Variants in RNLS observed in about 807,000 individuals in gnomAD.
The protein encoded by RNLS is renalase.
Under a neutral mutation model 39.8 loss-of-function variants are expected in RNLS, and 39 were observed. That is an observed-to-expected ratio of 0.98 (90% CI 0.76 to 1.28). The LOEUF is 1.28. Among genes scored for constraint, RNLS ranks in the 50% most tolerant of loss-of-function variants. RNLS has a pLI of 0.00. For missense variants in RNLS, 410 were observed against 413.3 expected (o/e 0.99, Z 0.07); for synonymous variants, 147 against 150.7 (o/e 0.98, Z 0.18).
chr10:88,545,564 T>C (rs754232521), intron 4 of RNLS: 2 of 426,562 alleles, frequency 4.7e-6, no homozygotes, highest in Non-Finnish European at 9.5e-6. Context: ...CCTGCCCCCA[T>C]GATTCAGTTA....
intron 4 of RNLS, among the ~76,000 whole-genome samples, chr10:88,374,133 T>C (rs1337004961): frequency 2.0e-5 from 3 of 151,964 alleles, no homozygotes; most frequent in Admixed American, 2.0e-4. Flanking sequence ...AAGAGTTCAA[T>C]AAAATGGCCT....
At chr10:88,374,861 C>T (rs1012535838) in intron 4 of RNLS, among the ~76,000 whole-genome samples, 1 of 152,044 alleles carries the variant, frequency 6.6e-6, no homozygotes, top group African/African-American at 2.4e-5. Context: ...GCACTTACCC[C>T]CAGCTCAGGC....
intron 4 of RNLS, among the ~76,000 whole-genome samples, chr10:88,390,532 A>C (rs889662490): frequency 6.6e-6 from 1 of 152,166 alleles, no homozygotes; most frequent in Non-Finnish European, 1.5e-5. Context: ...GTGAGCAGGG[A>C]CCATAGCACA....
chr10:88,366,445 GGTGTGTGTGT>G (rs1850104599), intron 4 of RNLS, among the ~76,000 whole-genome samples: 1 of 151,272 alleles, frequency 6.6e-6, no homozygotes, highest in Non-Finnish European at 1.5e-5. Flanking sequence ...GAAATATATA[GGTGTGTGTGT>G]GTTTGTGTGT....
At position 88,295,900 on chromosome 10, in the gene RNLS, G is replaced by A. The variant is rs565488126; in HGVS notation, c.877-10394C>T. 1.5e-4 allele frequency among the ~76,000 whole-genome samples: 23 copies of A among 152,196 alleles called. No homozygotes were observed. The South Asian group carries it at 2.7e-3, about 18-fold the overall frequency. On this transcript the variant is annotated intron_variant, in intron 6 of 6. Transcript: ENST00000331772. ...AAACACTGGAGCAAACTCTTTTGAC[G>A]AGGACTTGTTCAGAAGAAGCACACA...
At chr10:88,548,033 G>A (rs570446799) in intron 4 of RNLS, among the ~76,000 whole-genome samples, 25 of 151,524 alleles carry the variant, frequency 1.6e-4, no homozygotes, top group African/African-American at 5.6e-4. Context: ...AGGCTGAGGC[G>A]GGGAGGGTGC....
At chr10:88,388,027 G>A (rs934753420) in intron 4 of RNLS, among the ~76,000 whole-genome samples, 1 of 152,074 alleles carries the variant, frequency 6.6e-6, no homozygotes, top group Non-Finnish European at 1.5e-5. Context: ...TATTTCCCTG[G>A]GGTGTATCAC....
At chr10:88,223,631 A>G in the RNLS span, among the ~76,000 whole-genome samples, 1 of 152,334 alleles carries the variant, frequency 6.6e-6, no homozygotes, top group African/African-American at 2.4e-5. Context: ...AAAATACAGG[A>G]AAGTGTACTT....
intron 4 of RNLS, among the ~76,000 whole-genome samples, chr10:88,428,490 A>G (rs185039830): frequency 2.0e-5 from 3 of 152,140 alleles, no homozygotes; most frequent in Non-Finnish European, 4.4e-5. Flanking sequence ...AATCTGACTG[A>G]GACTGATAAG....
intron 5 of RNLS, among the ~76,000 whole-genome samples, chr10:88,323,696 A>G (rs1846348683): frequency 6.6e-6 from 1 of 152,204 alleles, no homozygotes; most frequent in Admixed American, 6.5e-5. Context: ...TGGCATATTC[A>G]AAGAATATAT....
intron 4 of RNLS, among the ~76,000 whole-genome samples, chr10:88,392,991 AC>A (rs1852302720): frequency 6.6e-6 from 1 of 152,062 alleles, no homozygotes; most frequent in South Asian, 2.1e-4. Context: ...AAATTCAACA[AC>A]CCTTCATGCT....
chr10:88,187,271 TAAAC>T, the RNLS span, among the ~76,000 whole-genome samples: 2 of 149,490 alleles, frequency 1.3e-5, no homozygotes, highest in South Asian at 2.1e-4. Context: ...TTTTGTTGTA[TAAAC>T]AAACAAATCA....
chr10:88,235,827 G>T, the RNLS span, among the ~76,000 whole-genome samples: 1 of 151,416 alleles, frequency 6.6e-6, no homozygotes, highest in Non-Finnish European at 1.5e-5. Context: ...TATTGCTGTT[G>T]TTTTGTTTTT....
intron 4 of RNLS, among the ~76,000 whole-genome samples, chr10:88,444,899 G>A (rs1841947530): frequency 6.6e-6 from 1 of 152,134 alleles, no homozygotes; most frequent in African/African-American, 2.4e-5. Flanking sequence ...AACACTGCAG[G>A]ATATTATTCA....
chr10:88,193,497 C>T, the RNLS span, among the ~76,000 whole-genome samples: 8 of 152,146 alleles, frequency 5.3e-5, no homozygotes, highest in African/African-American at 1.7e-4. Context: ...CCACCACCAC[C>T]CTGTACATTT....
chr10:88,492,787 A>G (rs78090941), intron 4 of RNLS, among the ~76,000 whole-genome samples: 1,879 of 151,898 alleles, frequency 0.012, 40 homozygotes, highest in African/African-American at 0.043. Flanking sequence ...ATTCTTTTTC[A>G]ATCTCATCAT....
the RNLS span, among the ~76,000 whole-genome samples, chr10:88,191,372 A>G: frequency 5.9e-5 from 9 of 151,948 alleles, no homozygotes; most frequent in African/African-American, 2.2e-4. Flanking sequence ...TTTTTTCTGC[A>G]TGTGTCTTTA....
At chr10:88,473,382 T>G (rs563064111) in intron 4 of RNLS, among the ~76,000 whole-genome samples, 189 of 152,176 alleles carry the variant, frequency 1.2e-3, no homozygotes, top group Non-Finnish European at 2.2e-3. Context: ...ATGTAGGCAC[T>G]TGGGTGAAGC....
the RNLS span, among the ~76,000 whole-genome samples, chr10:88,237,925 C>G: frequency 3.2e-4 from 48 of 152,258 alleles, no homozygotes; most frequent in African/African-American, 1.1e-3. Context: ...GTTGTTCCCC[C>G]CAAAATCATA....
Sources: gnomAD v4.1 joint callset for allele counts (sites outside exome capture counted in the v4.1 genomes callset) on GRCh38, gnomAD v4.1.1 for gene constraint, MANE v1.5 for transcripts, NCBI Gene and HGNC (gene_info 2026-07-23, HGNC 2026-07-21) for gene names.